The following CTNNA3 variants were observed in gnomAD, a reference collection of about 807,000 sequenced individuals.
The protein encoded by CTNNA3 is catenin alpha 3, also known as catenin alpha-3.
In CTNNA3, 76 loss-of-function variants were observed where a neutral mutation model predicts 95.7. That is an observed-to-expected ratio of 0.79 (90% CI 0.66 to 0.96). The LOEUF is 0.96. Among genes scored for constraint, CTNNA3 ranks in the 40% least tolerant of loss-of-function variants. The pLI, the probability that CTNNA3 is intolerant of heterozygous loss-of-function variation, is 0.00. For missense variants in CTNNA3, 1,191 were observed against 1,089.8 expected (o/e 1.09, Z -1.31); for synonymous variants, 431 against 374.4 (o/e 1.15, Z -1.74).
chr10:66,100,443 G>A (rs1261644476), intron 14 of CTNNA3, among the ~76,000 whole-genome samples: 3 of 152,148 alleles, frequency 2.0e-5, no homozygotes, highest in Non-Finnish European at 2.9e-5. Flanking sequence ...ATTTATAAGA[G>A]CAGAGAGTAG....
intron 7 of CTNNA3, among the ~76,000 whole-genome samples, chr10:66,811,551 T>C (rs1564698433): frequency 6.6e-6 from 1 of 152,166 alleles, no homozygotes; most frequent in African/African-American, 2.4e-5. Context: ...GAAGAGTTCT[T>C]AGCTGTATAG....
intron 13 of CTNNA3, among the ~76,000 whole-genome samples, chr10:66,167,266 G>C (rs1446425798): frequency 6.6e-6 from 1 of 151,990 alleles, no homozygotes; most frequent in Non-Finnish European, 1.5e-5. Context: ...ATTTTAAAAG[G>C]AGGCAAATAG....
intron 7 of CTNNA3, among the ~76,000 whole-genome samples, chr10:66,958,768 C>G (rs1351100128): frequency 6.6e-6 from 1 of 152,130 alleles, no homozygotes; most frequent in Non-Finnish European, 1.5e-5. Context: ...TTTTGATTCT[C>G]ACACTCTTGC....
At chr10:66,019,726 C>CA (rs151166915) in intron 15 of CTNNA3, among the ~76,000 whole-genome samples, 20,073 of 151,412 alleles carry the variant, frequency 0.13, 1,396 homozygotes, top group Admixed American at 0.15. Context: ...AAGAAATGGG[C>CA]AAAAAAAATA....
chr10:67,421,844 A>C (rs1013671363), intron 5 of CTNNA3, among the ~76,000 whole-genome samples: 1 of 152,176 alleles, frequency 6.6e-6, no homozygotes, highest in Non-Finnish European at 1.5e-5. Context: ...AAACAAATGG[A>C]CTAGTATTGG....
intron 3 of CTNNA3, among the ~76,000 whole-genome samples, chr10:67,559,630 GC>G (rs1204246855): frequency 1.3e-5 from 2 of 152,200 alleles, no homozygotes; most frequent in East Asian, 3.8e-4. Flanking sequence ...ACGGAACGAA[GC>G]TGGACGGAGA....
intron 13 of CTNNA3, among the ~76,000 whole-genome samples, chr10:66,150,621 T>G (rs2084151246): frequency 6.6e-6 from 1 of 151,992 alleles, no homozygotes; most frequent in Admixed American, 6.6e-5. Flanking sequence ...ATCTCAAGCA[T>G]TTATCATTTC....
Position 67,219,662 on chromosome 10 carries a change from G to C in CTNNA3, c.788C>G (p.Thr263Arg). The C allele has an allele frequency of 6.2e-7, 1 of 1,614,136 alleles. No individual in the cohort carries two copies. The highest frequency in any genetic ancestry group is 8.5e-7 in the Non-Finnish European group (1 of 1,180,010). The change falls in exon 6 of 18, where the codon ACA becomes AGA. Residue 263 changes from threonine to arginine, a missense_variant. Coordinates refer to ENST00000433211, the MANE Select transcript of CTNNA3 (RefSeq NM_013266.4). Reference sequence around the variant, plus strand: ...TGCTGCCTGAGGTTCTGGTGGGGTTGTCATATTCTGGATCCCTTGTGAAGC... The same window carrying C: ...TGCTGCCTGAGGTTCTGGTGGGGTTCTCATATTCTGGATCCCTTGTGAAGC... ...SNASQGIQNM[T>R]TPPEPQAATL... is the part of the protein sequence containing the mutation.
intron 5 of CTNNA3, among the ~76,000 whole-genome samples, chr10:67,412,550 A>T (rs1845405752): frequency 6.6e-6 from 1 of 152,090 alleles, no homozygotes; most frequent in African/African-American, 2.4e-5. Context: ...CGAGGCACAT[A>T]GTCATCAGAA....
chr10:67,209,370 G>A (rs1303774757), intron 6 of CTNNA3, among the ~76,000 whole-genome samples: 1 of 151,924 alleles, frequency 6.6e-6, no homozygotes, highest in Non-Finnish European at 1.5e-5. Flanking sequence ...TTAAATGTAT[G>A]GAACAAAATA....
intron 12 of CTNNA3, among the ~76,000 whole-genome samples, chr10:66,331,946 C>A (rs1277437649): frequency 6.6e-6 from 1 of 152,008 alleles, no homozygotes; most frequent in African/African-American, 2.4e-5. Context: ...ATGGAATGTT[C>A]TTCCATTTGT....
At chr10:67,585,182 G>A (rs1456536145) in intron 3 of CTNNA3, among the ~76,000 whole-genome samples, 1 of 152,134 alleles carries the variant, frequency 6.6e-6, no homozygotes, top group East Asian at 1.9e-4. Context: ...TTCCTATTTG[G>A]CCATCTTGGA....
intron 11 of CTNNA3, among the ~76,000 whole-genome samples, chr10:66,464,655 T>C (rs1416190381): frequency 6.6e-6 from 1 of 151,838 alleles, no homozygotes; most frequent in Non-Finnish European, 1.5e-5. Flanking sequence ...TCCAGCTACT[T>C]GGAAGGCTGA....
In CTNNA3 at chr10:67,149,161, T is replaced by C. The variant is rs1860973667; in HGVS notation, c.1047+31156A>G. ...ACTCTCAGGCAGTCATGATGCTTAC[T>C]TATTTTACACATTAATATAGCTTGT... is the stretch of plus-strand genomic sequence containing the variant. On this transcript the variant is annotated intron_variant, in intron 7 of 17. Coordinates refer to ENST00000433211, the MANE Select transcript of CTNNA3 (RefSeq NM_013266.4). Among the ~76,000 whole-genome samples, 7 of 152,336 alleles carry C rather than the reference T, an allele frequency of 4.6e-5. No homozygotes were observed. The South Asian group carries it at 1.4e-3, about 32-fold the overall frequency.
At chr10:67,269,973 G>C (rs552220128) in intron 5 of CTNNA3, among the ~76,000 whole-genome samples, 10 of 152,090 alleles carry the variant, frequency 6.6e-5, no homozygotes, top group Non-Finnish European at 1.5e-4. Flanking sequence ...TTTGAGGTCT[G>C]TACTGAATGC....
chr10:67,389,901 T>C (rs1487485287), intron 5 of CTNNA3, among the ~76,000 whole-genome samples: 1 of 150,236 alleles, frequency 6.7e-6, no homozygotes, highest in South Asian at 2.2e-4. Flanking sequence ...TGGGACACAT[T>C]CAAAGCAGTG....
At chr10:66,175,492 C>A (rs1022791429) in intron 13 of CTNNA3, among the ~76,000 whole-genome samples, 1 of 152,124 alleles carries the variant, frequency 6.6e-6, no homozygotes, top group Non-Finnish European at 1.5e-5. Context: ...CCAGGTAGAG[C>A]TGGGTAAACA....
At chr10:66,500,954 G>A (rs565852508) in intron 11 of CTNNA3, among the ~76,000 whole-genome samples, 1 of 152,248 alleles carries the variant, frequency 6.6e-6, no homozygotes, top group Admixed American at 6.5e-5. Flanking sequence ...AATTTTAATA[G>A]TTATATTCTA....
At chr10:66,149,038 T>C (rs1418053951) in intron 13 of CTNNA3, among the ~76,000 whole-genome samples, 1 of 151,010 alleles carries the variant, frequency 6.6e-6, no homozygotes, top group African/African-American at 2.4e-5. Flanking sequence ...GTAATTTAAC[T>C]ACGTAGTTAA....
Sources: gnomAD v4.1 joint callset for allele counts (sites outside exome capture counted in the v4.1 genomes callset) on GRCh38, gnomAD v4.1.1 for gene constraint, MANE v1.5 for transcripts, NCBI Gene and HGNC (gene_info 2026-07-23, HGNC 2026-07-21) for gene names.